Variants in CTNNA1 observed in about 807,000 individuals in gnomAD.
CTNNA1 encodes catenin alpha-1.
A neutral mutation model predicts 98.4 loss-of-function variants in CTNNA1; 37 were observed. The ratio of observed to expected loss-of-function variants is 0.38; its 90% CI spans 0.29 to 0.49. The LOEUF is 0.49. CTNNA1 is among the 20% of genes least tolerant of loss of function. The pLI is 0.95. For missense variants in CTNNA1, 761 were observed against 1,147.2 expected (o/e 0.66, Z 4.86); for synonymous variants, 404 against 413.2 (o/e 0.98, Z 0.27).
intron 9 of CTNNA1, among the ~76,000 whole-genome samples, chr5:138,896,293 C>T (rs1429041097): frequency 6.6e-6 from 1 of 152,144 alleles, no homozygotes; most frequent in Non-Finnish European, 1.5e-5. Context: ...AACTCCTGGC[C>T]TCAAGATATC....
In CTNNA1 at chr5:138,924,838, G is replaced by A. The variant is rs571363550; in HGVS notation, c.1747+128G>A. 4.2e-5 allele frequency: 34 copies of A among 814,376 alleles called. No homozygotes were observed. The Middle Eastern group carries it at 1.1e-3, about 27-fold the overall frequency. The allele number at this position is 814,376 out of a possible 1,614,324, so 50.4% of individuals were successfully genotyped here. ...CTCAGATTTGGTCTCATGGCACATC[G>A]GGCTCCTGAGAAGCTGGTCATAGCC... On this transcript the variant is annotated intron_variant, in intron 12 of 17. Coordinates refer to ENST00000302763, the MANE Select transcript of CTNNA1 (RefSeq NM_001903.5).
At chr5:138,883,473 T>C (rs1272449206) in intron 7 of CTNNA1, among the ~76,000 whole-genome samples, 2 of 152,182 alleles carry the variant, frequency 1.3e-5, no homozygotes, top group African/African-American at 4.8e-5. Context: ...AAGACAGAAT[T>C]AACAGATTCA....
chr5:138,875,833 G>A lies in CTNNA1; in HGVS notation c.1063-10379G>A, dbSNP rs1449117489. On this transcript the variant is annotated intron_variant, in intron 7 of 17. Coordinates refer to ENST00000302763, the MANE Select transcript of CTNNA1 (RefSeq NM_001903.5). Reference sequence around the variant, plus strand: ...AGTATGACTATGATTTGCTTTAGATGTGTTGATAAACTAGCTAAGTGGGCT... The same window carrying A: ...AGTATGACTATGATTTGCTTTAGATATGTTGATAAACTAGCTAAGTGGGCT... 9.2e-6 allele frequency: 6 copies of A among 652,178 alleles called. No individual in the cohort carries two copies. In the East Asian group the frequency reaches 8.2e-4, roughly 89 times the overall value. The allele number at this position is 652,178 out of a possible 1,614,324, so 40.4% of individuals were successfully genotyped here.
At chr5:138,820,041 C>T (rs1455975424) in intron 5 of CTNNA1, among the ~76,000 whole-genome samples, 1 of 138,732 alleles carries the variant, frequency 7.2e-6, no homozygotes, top group Non-Finnish European at 1.6e-5. Context: ...CCCGCCCTGC[C>T]CCCCACCGCC....
At chr5:138,754,659 T>C (rs997344353) in intron 1 of CTNNA1, 2 of 152,226 alleles carry the variant, frequency 1.3e-5, no homozygotes, top group Admixed American at 6.5e-5. Flanking sequence ...AATTTATAAA[T>C]CGAATTAATT....
intron 5 of CTNNA1, among the ~76,000 whole-genome samples, chr5:138,818,808 A>C (rs1312487203): frequency 6.6e-6 from 1 of 152,138 alleles, no homozygotes; most frequent in Non-Finnish European, 1.5e-5. Flanking sequence ...ACGAGCAGCT[A>C]CTGTGGCACT....
chr5:138,877,623 A>G (rs1033559790), intron 7 of CTNNA1, among the ~76,000 whole-genome samples: 2 of 151,620 alleles, frequency 1.3e-5, no homozygotes, highest in African/African-American at 4.8e-5. Flanking sequence ...AATTTTTTGT[A>G]TTTTTAGTAG....
intron 7 of CTNNA1, among the ~76,000 whole-genome samples, chr5:138,828,576 AG>A (rs1561569609): frequency 3.3e-5 from 5 of 152,344 alleles, no homozygotes; most frequent in Non-Finnish European, 7.3e-5. Context: ...AATCATTTTA[AG>A]GGGAAGAAGG....
chr5:138,829,962 A>C (rs6596454), intron 7 of CTNNA1, among the ~76,000 whole-genome samples: 112,500 of 151,804 alleles, frequency 0.74, 41,933 homozygotes, highest in East Asian at 0.99. Flanking sequence ...GTCAGGAGAT[A>C]GAGACCATCC....
intron 7 of CTNNA1, among the ~76,000 whole-genome samples, chr5:138,840,745 A>G (rs941861319): frequency 1.3e-5 from 2 of 151,264 alleles, no homozygotes; most frequent in Non-Finnish European, 2.9e-5. Flanking sequence ...ATTTTTTTAA[A>G]ATTAGGTGTC....
At chr5:138,863,919 G>A (rs536100952) in intron 7 of CTNNA1, among the ~76,000 whole-genome samples, 85 of 152,312 alleles carry the variant, frequency 5.6e-4, no homozygotes, top group Admixed American at 1.2e-3. Flanking sequence ...TATAGGTGGC[G>A]TCAGTTGGTC....
At chr5:138,853,464 T>A (rs141441087) in intron 7 of CTNNA1, among the ~76,000 whole-genome samples, 40 of 152,256 alleles carry the variant, frequency 2.6e-4, no homozygotes, top group African/African-American at 8.9e-4. Flanking sequence ...CCGCCTTTTT[T>A]AATCCTTCCT....
intron 7 of CTNNA1, among the ~76,000 whole-genome samples, chr5:138,835,986 G>A (rs1168943870): frequency 6.6e-6 from 1 of 152,126 alleles, no homozygotes; most frequent in Non-Finnish European, 1.5e-5. Context: ...TAATAGCTGG[G>A]TTTAGAGGCT....
chr5:138,849,937 T>C (rs76786411), intron 7 of CTNNA1, among the ~76,000 whole-genome samples: 4,738 of 152,230 alleles, frequency 0.031, 107 homozygotes, highest in Non-Finnish European at 0.047. Context: ...TCAGTTTCTC[T>C]TCTTACAGTT....
At chr5:138,779,249 C>G (rs187509988) in intron 1 of CTNNA1, among the ~76,000 whole-genome samples, 32 of 152,194 alleles carry the variant, frequency 2.1e-4, no homozygotes, top group African/African-American at 7.7e-4. Flanking sequence ...GTGGGGGTTG[C>G]AAGATGGTCA....
At chr5:138,910,412 G>C (rs116531441) in intron 10 of CTNNA1, among the ~76,000 whole-genome samples, 3 of 150,564 alleles carry the variant, frequency 2.0e-5, no homozygotes, top group African/African-American at 7.3e-5. Context: ...GGATATTTAG[G>C]GTTTTTTTAA....
intron 5 of CTNNA1, among the ~76,000 whole-genome samples, chr5:138,817,724 A>C (rs1363396734): frequency 6.6e-6 from 1 of 151,012 alleles, no homozygotes; most frequent in African/African-American, 2.4e-5. Context: ...TTTTTTATTG[A>C]ATTCTTCGTT....
At position 138,873,756 on chromosome 5, in the gene CTNNA1, C is replaced by G. The variant is rs776686660; in HGVS notation, c.1063-12456C>G. The G allele has an allele frequency of 1.9e-6, 3 of 1,614,042 alleles. No individual in the cohort carries two copies. Among genetic ancestry groups the G allele is most frequent in the Middle Eastern group, 3.3e-4 (2 of 6,062 alleles). ...GGCATCGTTTCAAACACTGTCAAGT[C>G]GATGGCTTTGATTTCATTTCCAGTC... is the stretch of plus-strand genomic sequence containing the variant. On this transcript the variant is annotated intron_variant, in intron 7 of 17. Coordinates refer to ENST00000302763, the MANE Select transcript of CTNNA1 (RefSeq NM_001903.5). This position sits in a 1 kb window ranked among gnomAD's most constrained non-coding sequence, Gnocchi z 6.1.
At chr5:138,777,116 G>T (rs1754378573) in intron 1 of CTNNA1, among the ~76,000 whole-genome samples, 4 of 151,994 alleles carry the variant, frequency 2.6e-5, no homozygotes, top group African/African-American at 7.3e-5. Context: ...CGGTTGCCAG[G>T]CGGAGGGTCT....
Sources: allele counts gnomAD v4.1 joint callset (sites outside exome capture counted in the v4.1 genomes callset), GRCh38; gene constraint gnomAD v4.1.1; non-coding constraint Gnocchi (gnomAD v3.1); transcripts MANE v1.5; gene names NCBI Gene and HGNC (gene_info 2026-07-23, HGNC 2026-07-21).